Variants in STK16 observed in about 807,000 individuals in gnomAD.
STK16 encodes serine/threonine-protein kinase 16.
A neutral mutation model predicts 37.8 loss-of-function variants in STK16; 28 were observed. The observed-to-expected ratio is 0.74, with a 90% CI of 0.55 to 1.02. STK16 has a LOEUF of 1.02. Ranked by LOEUF, STK16 falls within the 50% of genes least tolerant of loss-of-function variation. STK16 has a pLI of 0.00. For missense variants in STK16, 349 were observed against 390.6 expected, an observed-to-expected ratio of 0.89 and a Z score of 0.90; for synonymous variants, 134 against 155.0, an observed-to-expected ratio of 0.86 and a Z score of 1.01.
Position 219,248,318 on chromosome 2 carries a change from A to G in STK16, c.779+4A>G, listed in dbSNP as rs1234358556. On this transcript the variant is annotated splice_donor_region_variant and intron_variant, in intron 7 of 7. Transcript: ENST00000396738. ...TCAGCATCCCACAAAGCCCCAGGTG[A>G]GTGAGCAACGAATAGGGCATCAAGT... 6.2e-7 allele frequency: 1 copy of G among 1,613,978 alleles called. No homozygotes were observed. The highest frequency in any genetic ancestry group is 2.2e-5 in the East Asian group (1 of 44,892).
In STK16 at chr2:219,246,532, G is replaced by A. The variant is rs756199339; in HGVS notation, c.87-125G>A. 6.6e-6 allele frequency: 5 copies of A among 757,580 alleles called. 1 individual carries two copies. Among genetic ancestry groups the A allele is most frequent in the African/African-American group, 3.5e-5 (2 of 57,898 alleles). The allele number at this position is 757,580 out of a possible 1,614,324, so 46.9% of individuals were successfully genotyped here. ...TGTAATATTCTTCAGATTTCTCTTA[G>A]AGCCACATCTTGGGAAGGTTTCTGC... On this transcript the variant is annotated intron_variant, in intron 2 of 7. Coordinates refer to ENST00000396738, the MANE Select transcript of STK16 (RefSeq NM_001330213.2). This position sits in a 1 kb window ranked among gnomAD's most constrained non-coding sequence, Gnocchi z 4.5.
At chr2:219,247,049 G>T in intron 3 of STK16, 64 bp from the exon 4 acceptor site, 13 of 1,603,122 alleles carry the variant, frequency 8.1e-6, no homozygotes, top group Non-Finnish European at 1.0e-5. Context: ...CATAGGGAAG[G>T]GATCAGGCCT....
intron 5 of STK16, 58 bp downstream of exon 5, chr2:219,247,593 G>T: frequency 1.2e-6 from 2 of 1,614,192 alleles, no homozygotes; most frequent in Non-Finnish European, 1.7e-6. Flanking sequence ...CCCTTCTGGT[G>T]CATGTCCCAG....
At chr2:219,248,144 A>G in intron 6 of STK16, 49 bp from the exon 7 acceptor site, 1 of 1,608,850 alleles carries the variant, frequency 6.2e-7, no homozygotes, top group South Asian at 1.1e-5. Flanking sequence ...AAAGGGAGAG[A>G]TGTCACCTCC....
Position 219,246,692 on chromosome 2 carries a change from A to C in STK16, c.122A>C (p.His41Pro). 6.2e-7 allele frequency: 1 copy of C among 1,614,248 alleles called. No individual in the cohort carries two copies. The change falls in exon 3 of 8, where the codon CAT (histidine) becomes CCT (proline). Residue 41 changes from histidine to proline, a missense_variant. Physicochemically the swap from His to Pro is moderately conservative, Grantham distance 77 (BLOSUM62 -2). Transcript: ENST00000396738. The surrounding 1 kb of genome is among the most constrained non-coding windows in gnomAD (Gnocchi z 4.5). ...FSYVDLVEGL[H>P]DGHFYALKRI... ...TATGTGGACCTAGTGGAAGGGTTAC[A>C]TGATGGACACTTCTACGCCCTGAAG...
chr2:219,247,671 G>T lies in STK16; in HGVS notation c.571G>T (p.Ala191Ser). Residue 191 changes from alanine (A) to serine (S), a missense_variant, in exon 6 of 8, where the codon GCC becomes TCC. By Grantham distance (99) the Ala-to-Ser change is moderately conservative. Transcript: ENST00000396738. ...RQALTLQDWA[A>S]QRCTISYRAP... ...GGGATCACTGTTCCAGGACTGGGCAGCCCAGCGGTGCACCATCTCCTACCG... is the reference window on the plus strand; with the variant it reads ...GGGATCACTGTTCCAGGACTGGGCATCCCAGCGGTGCACCATCTCCTACCG... The T allele has an allele frequency of 6.2e-7, 1 of 1,611,434 alleles. No homozygotes were observed. The highest frequency in any genetic ancestry group is 8.5e-7 in the Non-Finnish European group (1 of 1,177,956).
Position 219,247,166 on chromosome 2 carries a change from G to C in STK16, c.360G>C (p.Leu120=). The C allele has an allele frequency of 6.2e-7, 1 of 1,614,260 alleles. No homozygotes were observed. The highest frequency in any genetic ancestry group is 2.2e-5 in the East Asian group (1 of 44,888). The stretch of plus-strand genomic sequence containing the variant: ...GGCTGAAGGACAAAGGCAACTTCCT[G>C]ACCGAGGATCAAATCCTTTGGCTGC... ...IERLKDKGNF[L]TEDQILWLLL... The change falls in exon 4 of 8, where the codon CTG becomes CTC. Residue 120 remains leucine, a synonymous_variant. Transcript: ENST00000396738.
rs1177718112 is a variant in STK16 at position 219,247,432 on chromosome 2, A to G, written c.458A>G (p.Asn153Ser). 2 of 1,614,182 alleles carry G rather than the reference A, an allele frequency of 1.2e-6. No homozygotes were observed. Among genetic ancestry groups the G allele is most frequent in the Non-Finnish European group, 8.5e-7 (1 of 1,180,042 alleles). ...GYAHRDLKPT[N>S]ILLGDEGQPV... The stretch of plus-strand genomic sequence containing the variant: ...CTCTACAGAGACTTGAAGCCCACCA[A>G]TATATTGCTTGGAGATGAGGGGCAG... Residue 153 changes from asparagine to serine, a missense_variant, in exon 5 of 8, where the codon AAT becomes AGT. Asn to Ser is a conservative substitution (Grantham distance 46). Transcript: ENST00000396738.
rs1391690307 is a variant in STK16, at chr2:219,246,459, C to A, written c.87-198C>A. Reference sequence around the variant, plus strand: ...CAAGTGCAGAGGTCTCTATTACGACCATAGGACCTCAAAGATTTCTATATC... The same window carrying A: ...CAAGTGCAGAGGTCTCTATTACGACAATAGGACCTCAAAGATTTCTATATC... On this transcript the variant is annotated intron_variant, in intron 2 of 7. Coordinates refer to ENST00000396738, the MANE Select transcript of STK16 (RefSeq NM_001330213.2). This position sits in a 1 kb window ranked among gnomAD's most constrained non-coding sequence, Gnocchi z 4.5. The A allele has an allele frequency of 9.3e-6, 6 of 647,980 alleles. No homozygotes were observed. The highest frequency in any genetic ancestry group is 7.3e-5 in the African/African-American group (4 of 55,040). The allele number at this position is 647,980 out of a possible 1,614,324, so 40.1% of individuals were successfully genotyped here. A position where few individuals can be genotyped will look rare whatever the true frequency, so the allele number is the denominator to read the frequency against.
rs1254368858 is a variant in STK16 at position 219,246,499 on chromosome 2, G to A, written c.87-158G>A. ...ATTTCTATATCTCTGCTCCTGAGGA[G>A]CTCACGGTGTAATATTCTTCAGATT... On this transcript the variant is annotated intron_variant, in intron 2 of 7. Transcript: ENST00000396738. This position sits in a 1 kb window ranked among gnomAD's most constrained non-coding sequence, Gnocchi z 4.5. 5 of 701,318 alleles carry A rather than the reference G, an allele frequency of 7.1e-6. No individual in the cohort carries two copies. Among genetic ancestry groups the A allele is most frequent in the Non-Finnish European group, 1.3e-5 (5 of 375,330 alleles). The allele number at this position is 701,318 out of a possible 1,614,324, so 43.4% of individuals were successfully genotyped here. A position where few individuals can be genotyped will look rare whatever the true frequency, so the allele number is the denominator to read the frequency against.
Position 219,248,463 on chromosome 2 carries a change from C to T in STK16, c.822C>T (p.Thr274=), listed in dbSNP as rs762792180. 1.5e-5 allele frequency: 24 copies of T among 1,614,062 alleles called. No individual in the cohort carries two copies. The highest frequency in any genetic ancestry group is 4.5e-5 in the East Asian group (2 of 44,894). The change falls in exon 8 of 8, where the codon ACC becomes ACT. Residue 274 remains threonine (T), a synonymous_variant. Coordinates refer to ENST00000396738, the MANE Select transcript of STK16 (RefSeq NM_001330213.2). The stretch of plus-strand genomic sequence containing the variant: ...GGCAGCTCCTGAACTCGATGATGAC[C>T]GTGGACCCGCATCAGCGTCCTCACA... The part of the protein sequence containing the change: ...ALRQLLNSMM[T]VDPHQRPHIP...
At position 219,247,726 on chromosome 2, in the gene STK16, A is replaced by G. The variant is rs923843365; in HGVS notation, c.626A>G (p.His209Arg). 7.5e-6 allele frequency: 12 copies of G among 1,598,526 alleles called. No homozygotes were observed. The East Asian group carries it at 2.3e-4, about 30-fold the overall frequency. The change falls in exon 6 of 8, where the codon CAC becomes CGC. Residue 209 changes from histidine (H) to arginine (R), a missense_variant. By Grantham distance (29) the His-to-Arg change is conservative. Transcript: ENST00000396738. ...RAPELFSVQS[H>R]CVIDERTDVW... ...CCAGAGCTCTTCTCTGTGCAGAGTC[A>G]CTGTGTCATCGATGAGCGGACTGAT...
At chr2:219,247,851 G>A in intron 6 of STK16, 94 bp downstream of exon 6, 1 of 1,282,504 alleles carries the variant, frequency 7.8e-7, no homozygotes, top group Non-Finnish European at 1.1e-6. Flanking sequence ...GTTGCATGGG[G>A]CGCCAGGAAC....
Position 219,246,689 on chromosome 2 carries a change from T to C in STK16, c.119T>C (p.Leu40Ser). The change falls in exon 3 of 8, where the codon TTA becomes TCA. Residue 40 changes from leucine to serine, a missense_variant. By Grantham distance (145) the Leu-to-Ser change is moderately radical (BLOSUM62 -2). Coordinates refer to ENST00000396738, the MANE Select transcript of STK16 (RefSeq NM_001330213.2). This position sits in a 1 kb window ranked among gnomAD's most constrained non-coding sequence, Gnocchi z 4.5. ...GFSYVDLVEG[L>S]HDGHFYALKR... Reference sequence around the variant, plus strand: ...AGCTATGTGGACCTAGTGGAAGGGTTACATGATGGACACTTCTACGCCCTG... The same window carrying C: ...AGCTATGTGGACCTAGTGGAAGGGTCACATGATGGACACTTCTACGCCCTG... 1.2e-6 allele frequency: 2 copies of C among 1,614,232 alleles called. No individual in the cohort carries two copies. Among genetic ancestry groups the C allele is most frequent in the Non-Finnish European group, 1.7e-6 (2 of 1,180,034 alleles).
rs1203336704 is a variant in STK16, at chr2:219,246,670, G to C, written c.100G>C (p.Val34Leu). ...TTTGGCCCACAGTGGGTTCAGCTAT[G>C]TGGACCTAGTGGAAGGGTTACATGA... ...QKLGEGGFSYVDLVEGLHDGH... is the reference protein window; with the variant it reads ...QKLGEGGFSYLDLVEGLHDGH... Residue 34 changes from valine (V) to leucine (L), a missense_variant, in exon 3 of 8, where the codon GTG (valine) becomes CTG (leucine). Val to Leu is a conservative substitution (Grantham distance 32). Transcript: ENST00000396738. This position sits in a 1 kb window ranked among gnomAD's most constrained non-coding sequence, Gnocchi z 4.5. 1.2e-6 allele frequency: 2 copies of C among 1,614,192 alleles called. No individual in the cohort carries two copies. Among genetic ancestry groups the C allele is most frequent in the East Asian group, 4.5e-5 (2 of 44,880 alleles).
Position 219,248,655 on chromosome 2 carries a change from A to G in STK16, c.*96A>G. On this transcript the variant is annotated 3_prime_UTR_variant, in exon 8 of 8. Coordinates refer to ENST00000396738, the MANE Select transcript of STK16 (RefSeq NM_001330213.2). The stretch of plus-strand genomic sequence containing the variant: ...ACCCATTCCATCCAGGACTTCTCTT[A>G]CACTTGGGGGTAGCGGGGTCAGGAC... 1 of 1,477,392 alleles carries G rather than the reference A, an allele frequency of 6.8e-7. No individual in the cohort carries two copies. Among genetic ancestry groups the G allele is most frequent in the Non-Finnish European group, 9.1e-7 (1 of 1,094,412 alleles). The allele number at this position is 1,477,392 out of a possible 1,614,324, so 91.5% of individuals were successfully genotyped here.
Position 219,247,719 on chromosome 2 carries a change from CAG to C in STK16, c.622_623del (p.His209LeufsTer5), listed in dbSNP as rs1262353760. The C allele has an allele frequency of 3.7e-6, 6 of 1,603,086 alleles. No homozygotes were observed. Among genetic ancestry groups the C allele is most frequent in the Non-Finnish European group, 5.1e-6 (6 of 1,174,084 alleles). ...SYRAPELFSV[Q>X]SHCVIDERTD... ...CCGAGCCCCAGAGCTCTTCTCTGTG[CAG>C]AGTCACTGTGTCATCGATGAGCGGA... On this transcript the variant is annotated frameshift_variant, in exon 6 of 8. Transcript: ENST00000396738. LOFTEE classifies it high-confidence loss of function.
chr2:219,246,674 A>G lies in STK16; in HGVS notation c.104A>G (p.Asp35Gly), dbSNP rs756287095. 4.3e-6 allele frequency: 7 copies of G among 1,614,122 alleles called. No homozygotes were observed. The South Asian group carries it at 7.7e-5, about 18-fold the overall frequency. ...GCCCACAGTGGGTTCAGCTATGTGG[A>G]CCTAGTGGAAGGGTTACATGATGGA... ...KLGEGGFSYVDLVEGLHDGHF... is the reference protein window; with the variant it reads ...KLGEGGFSYVGLVEGLHDGHF... The change falls in exon 3 of 8, where the codon GAC (aspartate) becomes GGC (glycine). Residue 35 changes from aspartate (D) to glycine (G), a missense_variant. Physicochemically the swap from Asp to Gly is moderately conservative, Grantham distance 94. Coordinates refer to ENST00000396738, the MANE Select transcript of STK16 (RefSeq NM_001330213.2). The surrounding 1 kb of genome is among the most constrained non-coding windows in gnomAD (Gnocchi z 4.5).
chr2:219,247,990 G>A, intron 6 of STK16: 1 of 851,294 alleles, frequency 1.2e-6, no homozygotes, highest in Non-Finnish European at 1.9e-6. Context: ...CAGTAGTGAA[G>A]GCACTGGCTA....
Sources: allele counts gnomAD v4.1 joint callset, GRCh38; gene constraint gnomAD v4.1.1; non-coding constraint Gnocchi (gnomAD v3.1); transcripts MANE v1.5; gene names NCBI Gene and HGNC (gene_info 2026-07-23, HGNC 2026-07-21).